CFAP97: variants seen among roughly 807,000 people sequenced by gnomAD.
The protein encoded by CFAP97 is cilia- and flagella-associated protein 97.
Under a neutral mutation model 43.1 loss-of-function variants are expected in CFAP97, and 36 were observed. The ratio of observed to expected loss-of-function variants is 0.84; its 90% confidence interval spans 0.64 to 1.10. The LOEUF is 1.10. Ranked by LOEUF, CFAP97 falls within the 50% of genes least tolerant of loss-of-function variation. The pLI is 0.00. For missense variants in CFAP97, 657 were observed against 620.3 expected, an observed-to-expected ratio of 1.06 and a Z score of -0.63; for synonymous variants, 228 against 225.7, an observed-to-expected ratio of 1.01 and a Z score of -0.09.
Position 185,161,000 on chromosome 4 carries a change from T to C in CFAP97, c.*1798A>G, listed in dbSNP as rs557434359. On this transcript the variant is annotated 3_prime_UTR_variant, in exon 5 of 5. Coordinates refer to ENST00000458385, the MANE Select transcript of CFAP97 (RefSeq NM_020827.3). ...TTAAAAAAACTGATTAATTCACTAT[T>C]GGACAGATGTTCAAATGCTAAATTT... The C allele has an allele frequency of 5.9e-5, 9 of 151,324 alleles. No homozygotes were observed. Among genetic ancestry groups the C allele is most frequent in the Non-Finnish European group, 1.2e-4 (8 of 67,806 alleles). The allele number at this position is 151,324 out of a possible 1,614,324, so 9.4% of individuals were successfully genotyped here. A position where few individuals can be genotyped will look rare whatever the true frequency, so the allele number is the denominator to read the frequency against.
At chr4:185,172,315 A>G (rs899658193) in intron 3 of CFAP97, among the ~76,000 whole-genome samples, 2 of 152,246 alleles carry the variant, frequency 1.3e-5, no homozygotes, top group African/African-American at 4.8e-5. Context: ...CTATTGAAAC[A>G]AATAATGATG....
chr4:185,162,236 A>G lies in CFAP97; in HGVS notation c.*562T>C, dbSNP rs1044745734. 16 of 152,852 alleles carry G rather than the reference A, an allele frequency of 1.0e-4. No homozygotes were observed. Among genetic ancestry groups the G allele is most frequent in the African/African-American group, 3.9e-4 (16 of 41,462 alleles). 9.5% of individuals were successfully genotyped at this position (152,852 alleles called of 1,614,324 possible). ...AACTAGATACCTCTGGTGAATTACA[A>G]GAATTGCTCCAATAGAAGCGTCTCT... is the stretch of plus-strand genomic sequence containing the variant. On this transcript the variant is annotated 3_prime_UTR_variant, in exon 5 of 5. Transcript: ENST00000458385.
intron 3 of CFAP97, 90 bp from the exon 4 acceptor site, chr4:185,164,269 CTT>C (rs1485897070): frequency 1.6e-6 from 2 of 1,224,200 alleles, no homozygotes; most frequent in African/African-American, 4.3e-5. Flanking sequence ...CATTCACTTT[CTT>C]TCTTTTTTTT....
At chr4:185,193,051 T>C (rs1736373649) in intron 1 of CFAP97, among the ~76,000 whole-genome samples, 2 of 152,126 alleles carry the variant, frequency 1.3e-5, no homozygotes, top group Non-Finnish European at 2.9e-5. Context: ...AGAATTGACC[T>C]TCTAATACTA....
At chr4:185,164,391 C>T (rs889749469) in intron 3 of CFAP97, among the ~76,000 whole-genome samples, 1 of 152,086 alleles carries the variant, frequency 6.6e-6, no homozygotes, top group African/African-American at 2.4e-5. Flanking sequence ...GTGCCACCCA[C>T]CACATCCCGC....
intron 2 of CFAP97, chr4:185,182,060 T>C (rs1012720846): frequency 1.3e-5 from 2 of 152,218 alleles, no homozygotes; most frequent in African/African-American, 4.8e-5. Context: ...GTAGTGATTA[T>C]TTCATAGTTT....
upstream of CFAP97, among the ~76,000 whole-genome samples, chr4:185,207,951 A>C (rs1383300399): frequency 6.6e-6 from 1 of 152,204 alleles, no homozygotes; most frequent in East Asian, 1.9e-4. Context: ...GTAAATGATC[A>C]AAAAACATAG....
intron 2 of CFAP97, among the ~76,000 whole-genome samples, chr4:185,185,399 C>A (rs1397684692): frequency 2.0e-5 from 3 of 152,146 alleles, no homozygotes; most frequent in Admixed American, 6.6e-5. Flanking sequence ...CAACCACCAT[C>A]CAATTTTTGC....
chr4:185,207,512 C>T (rs1457926208), upstream of CFAP97, among the ~76,000 whole-genome samples: 1 of 152,160 alleles, frequency 6.6e-6, no homozygotes, highest in Admixed American at 6.5e-5. Flanking sequence ...GCCACCACGC[C>T]TGGCCAACTA....
intron 3 of CFAP97, chr4:185,169,524 G>T: frequency 1.3e-6 from 1 of 772,538 alleles, no homozygotes; most frequent in Non-Finnish European, 1.6e-6. Flanking sequence ...AAATTACCCA[G>T]TCTCAGGTAG....
In CFAP97 at chr4:185,163,985, A is replaced by C. The variant is rs76649023; in HGVS notation, c.1471+44T>G. The C allele has an allele frequency of 9.3e-3, 14,472 of 1,553,648 alleles. 958 individuals carry two copies. The African/African-American group carries it at 0.16, about 17-fold the overall frequency. Reference sequence around the variant, plus strand: ...CATGTTACGTTTTTTTAAAAAAAGGATACAAGATACAAATAAGTATAAAAT... The same window carrying C: ...CATGTTACGTTTTTTTAAAAAAAGGCTACAAGATACAAATAAGTATAAAAT... On this transcript the variant is annotated intron_variant, in intron 4 of 4. Transcript: ENST00000458385.
chr4:185,179,993 C>T (rs11730968), intron 2 of CFAP97, among the ~76,000 whole-genome samples: 70,014 of 151,864 alleles, frequency 0.46, 16,198 homozygotes, highest in Middle Eastern at 0.56. Context: ...ATGTGAAACA[C>T]CCTTCTCTAT....
At chr4:185,171,880 C>T (rs927934311) in intron 3 of CFAP97, among the ~76,000 whole-genome samples, 52 of 152,124 alleles carry the variant, frequency 3.4e-4, no homozygotes, top group African/African-American at 1.1e-3. Flanking sequence ...GGGATTACAG[C>T]CATGCATCAC....
At position 185,165,705 on chromosome 4, in the gene CFAP97, T is replaced by C. The variant is rs1735041129; in HGVS notation, c.1321-1526A>G. ...CTTTTCTTCTTTCTTCCTTTTACTGTGGTAAAATGAAACCACATTTTAACC... is the reference window on the plus strand; with the variant it reads ...CTTTTCTTCTTTCTTCCTTTTACTGCGGTAAAATGAAACCACATTTTAACC... On this transcript the variant is annotated intron_variant, in intron 3 of 4. Coordinates refer to ENST00000458385, the MANE Select transcript of CFAP97 (RefSeq NM_020827.3). 2.0e-5 allele frequency among the ~76,000 whole-genome samples: 3 copies of C among 152,242 alleles called. No individual in the cohort carries two copies. The South Asian group carries it at 6.2e-4, about 31-fold the overall frequency.
At chr4:185,174,791 G>A (rs1735451225) in intron 3 of CFAP97, among the ~76,000 whole-genome samples, 1 of 152,122 alleles carries the variant, frequency 6.6e-6, no homozygotes, top group Admixed American at 6.5e-5. Context: ...TCAGAGAATT[G>A]TTGTCAGGAT....
At chr4:185,180,927 C>T (rs1735755050) in intron 2 of CFAP97, among the ~76,000 whole-genome samples, 1 of 152,016 alleles carries the variant, frequency 6.6e-6, no homozygotes, top group Non-Finnish European at 1.5e-5. Flanking sequence ...TTACATCTAC[C>T]AATAGTTACC....
chr4:185,200,842 A>G (rs1736787479), intron 1 of CFAP97, among the ~76,000 whole-genome samples: 1 of 152,218 alleles, frequency 6.6e-6, no homozygotes, highest in African/African-American at 2.4e-5. Context: ...GCAATCTCAC[A>G]ATAAAACTTG....
intron 3 of CFAP97, among the ~76,000 whole-genome samples, chr4:185,174,571 T>G (rs1456798087): frequency 2.0e-5 from 3 of 152,356 alleles, no homozygotes; most frequent in Non-Finnish European, 2.9e-5. Context: ...GAGGGTTAAT[T>G]TTGAAAATGG....
At chr4:185,194,442 T>C (rs974342260) in intron 1 of CFAP97, among the ~76,000 whole-genome samples, 2 of 152,174 alleles carry the variant, frequency 1.3e-5, no homozygotes, top group Non-Finnish European at 2.9e-5. Flanking sequence ...TGAGCTGAGA[T>C]TGCACCATTG....
Sources: allele counts gnomAD v4.1 joint callset (sites outside exome capture counted in the v4.1 genomes callset), GRCh38; gene constraint gnomAD v4.1.1; transcripts MANE v1.5; gene names NCBI Gene and HGNC (gene_info 2026-07-23, HGNC 2026-07-21).